Variants in HELZ observed in about 807,000 individuals in gnomAD.
The protein encoded by HELZ is ATP-dependent RNA helicase with zinc finger domain.
A neutral mutation model predicts 218.2 loss-of-function variants in HELZ; 23 were observed. The ratio of observed to expected loss-of-function variants is 0.11; its 90% confidence interval spans 0.08 to 0.15. The LOEUF is 0.15. HELZ is among the 10% of genes least tolerant of loss of function. The probability of loss-of-function intolerance (pLI) is 1.00; values close to 1 mark genes in which losing one functional copy is unlikely to be tolerated. For synonymous variants in HELZ, 814 were observed against 829.4 expected (o/e 0.98, Z 0.32); for missense variants, 1,813 against 2,353.7 (o/e 0.77, Z 4.75).
At chr17:67,152,402 CT>C (rs930057362) in intron 17 of HELZ, among the ~76,000 whole-genome samples, 9 of 152,116 alleles carry the variant, frequency 5.9e-5, no homozygotes, top group African/African-American at 2.2e-4. Context: ...CAGATGGTAG[CT>C]TGGATTAGGC....
At position 67,178,635 on chromosome 17, in the gene HELZ, TAAAG is replaced by T; in HGVS notation, c.1430+20_1430+23del. 3 of 1,581,760 alleles carry T rather than the reference TAAAG, an allele frequency of 1.9e-6. No individual in the cohort carries two copies. Among genetic ancestry groups the T allele is most frequent in the Admixed American group, 1.8e-5 (1 of 54,210 alleles). ...CATCCAAAGGGGAGATTTTTTGTTT[TAAAG>T]TGTTTCTAAAGTAACTTACTTGCTG... On this transcript the variant is annotated intron_variant, in intron 13 of 32. Transcript: ENST00000358691.
At chr17:67,113,507 G>C (rs1295992980) in intron 28 of HELZ, among the ~76,000 whole-genome samples, 1 of 152,092 alleles carries the variant, frequency 6.6e-6, no homozygotes, top group African/African-American at 2.4e-5. Context: ...TGATCCACCC[G>C]CCTTGGCCTC....
intron 12 of HELZ, among the ~76,000 whole-genome samples, chr17:67,187,380 A>C (rs895352577): frequency 5.3e-5 from 8 of 152,150 alleles, no homozygotes; most frequent in African/African-American, 1.9e-4. Flanking sequence ...CGTTGTTTCA[A>C]CCTTACTAGC....
At chr17:67,224,522 G>A (rs1284326177) in intron 3 of HELZ, 5 of 371,108 alleles carry the variant, frequency 1.3e-5, no homozygotes, top group African/African-American at 2.1e-5. Context: ...AATCTGATCA[G>A]TACCAAATGA....
At chr17:67,169,600 T>C (rs992599867) in intron 13 of HELZ, among the ~76,000 whole-genome samples, 1 of 152,160 alleles carries the variant, frequency 6.6e-6, no homozygotes, top group Non-Finnish European at 1.5e-5. Context: ...CATTTCAACA[T>C]TAGTTTTGGA....
intron 13 of HELZ, among the ~76,000 whole-genome samples, chr17:67,174,054 G>T (rs1284115373): frequency 6.6e-6 from 1 of 152,022 alleles, no homozygotes; most frequent in Non-Finnish European, 1.5e-5. Flanking sequence ...TGTGACTGAG[G>T]ATAAGAGAAG....
chr17:67,110,662 A>G (rs1296889309), intron 28 of HELZ, among the ~76,000 whole-genome samples: 2 of 152,140 alleles, frequency 1.3e-5, no homozygotes, highest in African/African-American at 4.8e-5. Context: ...CCCCACTCCA[A>G]TGCCATTTCC....
chr17:67,094,307 G>A (rs2036666041), intron 31 of HELZ, among the ~76,000 whole-genome samples: 1 of 149,990 alleles, frequency 6.7e-6, no homozygotes, highest in Non-Finnish European at 1.5e-5. Flanking sequence ...GGGTGACAGA[G>A]GGAGACCTGG....
At position 67,107,570 on chromosome 17, in the gene HELZ, T is replaced by C. The variant is rs990944262; in HGVS notation, c.4840A>G (p.Ser1614Gly). 1 of 1,614,042 alleles carries C rather than the reference T, an allele frequency of 6.2e-7. No homozygotes were observed. Among genetic ancestry groups the C allele is most frequent in the African/African-American group, 1.3e-5 (1 of 74,922 alleles). The stretch of plus-strand genomic sequence containing the variant: ...GGGGGAGATGGGACTGCTGGTGGGC[T>C]TCTACTCTGTACTTGTCTATATTGC... Reference protein sequence around the residue: ...LLQYRQVQSRSPPAVPSPPSS... With the variant: ...LLQYRQVQSRGPPAVPSPPSS... Residue 1614 changes from serine to glycine, a missense_variant, in exon 31 of 33, where the codon AGC (serine) becomes GGC (glycine). Around this residue, in one of 4 missense-constraint regions of HELZ, gnomAD observed 938 missense variants for 1,027.5 expected, o/e 0.91. Transcript: ENST00000358691.
chr17:67,226,555 T>C (rs2143388645), intron 3 of HELZ, among the ~76,000 whole-genome samples: 1 of 152,264 alleles, frequency 6.6e-6, no homozygotes, highest in South Asian at 2.1e-4. Context: ...GAATATAAAA[T>C]GATTTAGCCA....
In HELZ at chr17:67,202,146, G is replaced by C. The variant is rs1002421080; in HGVS notation, c.373-961C>G. Among the ~76,000 whole-genome samples the C allele has an allele frequency of 4.2e-4, 64 of 151,392 alleles. 1 individual carries two copies. The highest frequency in any genetic ancestry group is 1.4e-3 in the African/African-American group (57 of 41,142). Reference sequence around the variant, plus strand: ...CAGGGAATTCACACAGCAGAGCAAAGTATACATATACTTTCTTGCTTTCAC... The same window carrying C: ...CAGGGAATTCACACAGCAGAGCAAACTATACATATACTTTCTTGCTTTCAC... On this transcript the variant is annotated intron_variant, in intron 6 of 32. Transcript: ENST00000358691.
chr17:67,232,399 G>A (rs2041062923), intron 3 of HELZ, among the ~76,000 whole-genome samples: 1 of 152,232 alleles, frequency 6.6e-6, no homozygotes, highest in Middle Eastern at 3.4e-3. Flanking sequence ...TGATCCGCCC[G>A]CCTCAGCCTC....
intron 32 of HELZ, among the ~76,000 whole-genome samples, chr17:67,082,042 T>C (rs2036211024): frequency 6.6e-6 from 1 of 152,154 alleles, no homozygotes; most frequent in Non-Finnish European, 1.5e-5. Context: ...CTATTTACCA[T>C]GGGCCAGGCA....
Position 67,188,246 on chromosome 17 carries a change from T to C in HELZ, c.1162+73A>G. The stretch of plus-strand genomic sequence containing the variant: ...TTCTCTTCCTATCCATGGAATATAT[T>C]CAGGGGCCAATACATATCTTTGAAT... On this transcript the variant is annotated intron_variant, in intron 12 of 32. Coordinates refer to ENST00000358691, the MANE Select transcript of HELZ (RefSeq NM_014877.4). This position sits in a 1 kb window ranked among gnomAD's most constrained non-coding sequence, Gnocchi z 4.1. The C allele has an allele frequency of 2.9e-6, 4 of 1,357,680 alleles. No homozygotes were observed. In the South Asian group the frequency reaches 5.6e-5, roughly 19 times the overall value. 84.1% of individuals were successfully genotyped at this position (1,357,680 alleles called of 1,614,324 possible).
chr17:67,193,521 G>A (rs2039951063), intron 9 of HELZ, among the ~76,000 whole-genome samples: 1 of 151,948 alleles, frequency 6.6e-6, no homozygotes, highest in African/African-American at 2.4e-5. Context: ...TTCAAGACCA[G>A]CCTGGCCAAC....
intron 32 of HELZ, among the ~76,000 whole-genome samples, chr17:67,080,336 T>A (rs2036151083): frequency 6.6e-6 from 1 of 152,208 alleles, no homozygotes; most frequent in Admixed American, 6.5e-5. Flanking sequence ...TATTTCTGTA[T>A]CAGTATTAAG....
chr17:67,086,695 T>A, intron 32 of HELZ, 134 bp downstream of exon 32: 1 of 604,876 alleles, frequency 1.7e-6, no homozygotes, highest in Non-Finnish European at 2.9e-6. Flanking sequence ...TGCACACCTA[T>A]GAGCTATTAG....
At chr17:67,090,769 T>C (rs1323011505) in intron 31 of HELZ, among the ~76,000 whole-genome samples, 1 of 152,152 alleles carries the variant, frequency 6.6e-6, no homozygotes, top group African/African-American at 2.4e-5. Flanking sequence ...CCTCTTTTTG[T>C]CTTTGTCAAT....
chr17:67,221,200 T>C (rs1298574907), intron 3 of HELZ, among the ~76,000 whole-genome samples: 1 of 152,222 alleles, frequency 6.6e-6, no homozygotes, highest in African/African-American at 2.4e-5. Context: ...GGCCATTCTG[T>C]GCATTGTAGG....
Sources: gnomAD v4.1 joint callset for allele counts (sites outside exome capture counted in the v4.1 genomes callset) on GRCh38, gnomAD v4.1.1 for gene constraint, gnomAD v4.1.1 regional missense constraint, Gnocchi (gnomAD v3.1) non-coding constraint, MANE v1.5 for transcripts, NCBI Gene and HGNC (gene_info 2026-07-23, HGNC 2026-07-21) for gene names.